Variants in ADAMTS6 observed in about 807,000 individuals in gnomAD.
ADAMTS6 encodes A disintegrin and metalloproteinase with thrombospondin motifs 6.
A neutral mutation model predicts 144.3 loss-of-function variants in ADAMTS6; 23 were observed. That is an observed-to-expected ratio of 0.16 (90% confidence interval 0.11 to 0.23). ADAMTS6 has a LOEUF of 0.23. Among genes scored for constraint, ADAMTS6 ranks in the 10% least tolerant of loss-of-function variants. ADAMTS6 has a pLI of 1.00. For missense variants in ADAMTS6, 999 were observed against 1,379.6 expected, an observed-to-expected ratio of 0.72 and a Z score of 4.37; for synonymous variants, 444 against 457.5, an observed-to-expected ratio of 0.97 and a Z score of 0.38.
chr5:65,357,095 A>C (rs1193275277), intron 7 of ADAMTS6, among the ~76,000 whole-genome samples: 2 of 151,828 alleles, frequency 1.3e-5, no homozygotes, highest in Non-Finnish European at 3.0e-5. Flanking sequence ...TACTGGACTC[A>C]AAAACTGTGT....
In ADAMTS6 at chr5:65,197,886, A is replaced by G. The variant is rs1484000324; in HGVS notation, c.2576-735T>C. Among the ~76,000 whole-genome samples, 3 of 151,894 alleles carry G rather than the reference A, an allele frequency of 2.0e-5. No individual in the cohort carries two copies. The East Asian group carries it at 5.8e-4, about 29-fold the overall frequency. On this transcript the variant is annotated intron_variant, in intron 20 of 24. Coordinates refer to ENST00000381055, the MANE Select transcript of ADAMTS6 (RefSeq NM_197941.4). The stretch of plus-strand genomic sequence containing the variant: ...TTACCACAGCTAAAAATATTCTCAT[A>G]CAGTTTATAAAATATTAAATATATG...
intron 4 of ADAMTS6, among the ~76,000 whole-genome samples, chr5:65,457,827 A>G (rs1388197699): frequency 2.0e-5 from 3 of 149,608 alleles, no homozygotes; most frequent in African/African-American, 7.4e-5. Flanking sequence ...TCAGGGTTCA[A>G]GCAATTCTCC....
At chr5:65,325,300 C>A (rs950920957) in intron 9 of ADAMTS6, among the ~76,000 whole-genome samples, 4 of 152,026 alleles carry the variant, frequency 2.6e-5, no homozygotes, top group African/African-American at 7.2e-5. Flanking sequence ...TAAATTACAT[C>A]TAAATAATGT....
intron 7 of ADAMTS6, among the ~76,000 whole-genome samples, chr5:65,342,673 C>A (rs1017535097): frequency 6.6e-6 from 1 of 152,094 alleles, no homozygotes; most frequent in South Asian, 2.1e-4. Flanking sequence ...ACCACTCTTG[C>A]TCAACATAGT....
intron 21 of ADAMTS6, among the ~76,000 whole-genome samples, chr5:65,196,661 GA>G (rs1470696691): frequency 2.0e-5 from 3 of 150,918 alleles, no homozygotes; most frequent in Non-Finnish European, 4.4e-5. Context: ...TAAGAGAGGG[GA>G]AAAATGTCAA....
chr5:65,350,006 T>G (rs897445076), intron 7 of ADAMTS6, among the ~76,000 whole-genome samples: 6 of 152,220 alleles, frequency 3.9e-5, no homozygotes, highest in Non-Finnish European at 4.4e-5. Flanking sequence ...TGATCATAAG[T>G]CAGAATGTCC....
chr5:65,417,234 T>C (rs1755612312), intron 7 of ADAMTS6, among the ~76,000 whole-genome samples: 1 of 152,036 alleles, frequency 6.6e-6, no homozygotes, highest in Non-Finnish European at 1.5e-5. Context: ...AATCTCAAAA[T>C]AATAAGAGCC....
At chr5:65,317,855 C>T (rs1241730297) in intron 9 of ADAMTS6, among the ~76,000 whole-genome samples, 4 of 151,952 alleles carry the variant, frequency 2.6e-5, no homozygotes, top group Non-Finnish European at 4.4e-5. Context: ...GGGTGGATCA[C>T]GAGGTCAGGA....
At chr5:65,280,542 C>T (rs998337676) in intron 11 of ADAMTS6, among the ~76,000 whole-genome samples, 1 of 152,040 alleles carries the variant, frequency 6.6e-6, no homozygotes, top group Non-Finnish European at 1.5e-5. Flanking sequence ...AGAAAGCTTG[C>T]CCGATAGCTT....
At chr5:65,174,045 C>A (rs1002464576) in intron 22 of ADAMTS6, among the ~76,000 whole-genome samples, 11 of 151,384 alleles carry the variant, frequency 7.3e-5, no homozygotes, top group African/African-American at 2.2e-4. Flanking sequence ...ATCTATACTT[C>A]CTTCCCCTCA....
intron 7 of ADAMTS6, among the ~76,000 whole-genome samples, chr5:65,381,529 A>ATTT (rs748143650): frequency 0.029 from 2,966 of 102,816 alleles, 109 homozygotes; most frequent in African/African-American, 0.047. Context: ...TGCCTGGCTA[A>ATTT]TTTTTTTTTT....
chr5:65,471,155 A>G lies in ADAMTS6; in HGVS notation c.98-13T>C. The stretch of plus-strand genomic sequence containing the variant: ...GTCAGGAATTCCTCTTTGTAATCAC[A>G]AGGCAGAGAATCCAGAAAAAAAACA... On this transcript the variant is annotated splice_polypyrimidine_tract_variant and intron_variant, in intron 2 of 24. Transcript: ENST00000381055. The G allele has an allele frequency of 2.6e-6, 4 of 1,567,726 alleles. No homozygotes were observed. The highest frequency in any genetic ancestry group is 2.6e-6 in the Non-Finnish European group (3 of 1,167,580).
chr5:65,350,231 T>C (rs1748727292), intron 7 of ADAMTS6, among the ~76,000 whole-genome samples: 1 of 152,228 alleles, frequency 6.6e-6, no homozygotes, highest in African/African-American at 2.4e-5. Flanking sequence ...TTAACTTAAA[T>C]CCTTCATGCT....
intron 9 of ADAMTS6, among the ~76,000 whole-genome samples, chr5:65,316,100 C>T (rs1195280767): frequency 6.6e-5 from 10 of 152,032 alleles, no homozygotes; most frequent in African/African-American, 2.2e-4. Context: ...TTAGTAGAGA[C>T]GGGGTTTCAC....
At chr5:65,398,721 AAGAG>A (rs952833920) in intron 7 of ADAMTS6, among the ~76,000 whole-genome samples, 8 of 148,126 alleles carry the variant, frequency 5.4e-5, no homozygotes, top group Non-Finnish European at 1.0e-4. Context: ...GAAAGAGAGA[AAGAG>A]AGAGAGAGAG....
chr5:65,170,642 G>T lies in ADAMTS6; in HGVS notation c.3219C>A (p.Asp1073Glu). The part of the protein sequence containing the change: ...PSMQQCESKC[D>E]STPISNTEEC... ...CTTCAGTATTAGAAATGGGGGTACTGTCACATTTGCTTTCACACTGCTGCA... is the reference window on the plus strand; with the variant it reads ...CTTCAGTATTAGAAATGGGGGTACTTTCACATTTGCTTTCACACTGCTGCA... Residue 1073 changes from aspartate (D) to glutamate (E), a missense_variant, in exon 24 of 25, where the codon GAC becomes GAA. Physicochemically the swap from Asp to Glu is conservative, Grantham distance 45. Coordinates refer to ENST00000381055, the MANE Select transcript of ADAMTS6 (RefSeq NM_197941.4). The T allele has an allele frequency of 6.2e-7, 1 of 1,614,104 alleles. No individual in the cohort carries two copies. Among genetic ancestry groups the T allele is most frequent in the Non-Finnish European group, 8.5e-7 (1 of 1,180,006 alleles).
At chr5:65,230,856 AAT>A (rs201120430) in intron 15 of ADAMTS6, among the ~76,000 whole-genome samples, 1 of 58,478 alleles carries the variant, frequency 1.7e-5, no homozygotes, top group Non-Finnish European at 3.8e-5. Flanking sequence ...ATATATATGA[AAT>A]ATATATAATA....
In ADAMTS6 at chr5:65,340,101, A is replaced by G. The variant is rs943544912; in HGVS notation, c.1074-6016T>C. On this transcript the variant is annotated intron_variant, in intron 7 of 24. Transcript: ENST00000381055. ...TAGTCAAATTGTCAAAAGTCAAAGC[A>G]AAGAATTTTAAAAGCAATGAGAGAA... is the stretch of plus-strand genomic sequence containing the variant. Among the ~76,000 whole-genome samples the G allele has an allele frequency of 2.0e-5, 3 of 152,180 alleles. No individual in the cohort carries two copies. In the East Asian group the frequency reaches 5.8e-4, roughly 29 times the overall value.
chr5:65,351,780 A>G (rs1748866691), intron 7 of ADAMTS6, among the ~76,000 whole-genome samples: 1 of 152,058 alleles, frequency 6.6e-6, no homozygotes, highest in Non-Finnish European at 1.5e-5. Flanking sequence ...CTCAGGCAAC[A>G]CAGAGAGAAT....
Sources: allele counts gnomAD v4.1 joint callset (sites outside exome capture counted in the v4.1 genomes callset), GRCh38; gene constraint gnomAD v4.1.1; transcripts MANE v1.5; gene names NCBI Gene and HGNC (gene_info 2026-07-23, HGNC 2026-07-21).